The following SMOX variants were observed in gnomAD, a reference collection of about 807,000 sequenced individuals.
The protein encoded by SMOX is spermine oxidase, also known as flavin containing amine oxidase.
A neutral mutation model predicts 51.0 loss-of-function variants in SMOX; 22 were observed. That is an observed-to-expected ratio of 0.43 (90% CI 0.31 to 0.62). SMOX has a LOEUF of 0.62. Ranked by LOEUF, SMOX falls within the 20% of genes least tolerant of loss-of-function variation. The pLI is 0.10. For missense variants in SMOX, 566 were observed against 777.7 expected, an observed-to-expected ratio of 0.73 and a Z score of 3.24; for synonymous variants, 282 against 307.8, an observed-to-expected ratio of 0.92 and a Z score of 0.88.
At position 4,183,077 on chromosome 20, in the gene SMOX, T is replaced by G. The variant is rs924958677; in HGVS notation, c.1369+229T>G. ...GGGCGCTGTGTCTCTTCCCCCTTTC[T>G]AAAGGCTGATGGTAAAACACTCAGA... On this transcript the variant is annotated intron_variant, in intron 5 of 6. Transcript: ENST00000305958. This position sits in a 1 kb window ranked among gnomAD's most constrained non-coding sequence, Gnocchi z 4.3. 2.6e-5 allele frequency: 16 copies of G among 625,412 alleles called. No individual in the cohort carries two copies. In the African/African-American group the frequency reaches 2.9e-4, roughly 11 times the overall value. 38.7% of individuals were successfully genotyped at this position (625,412 alleles called of 1,614,324 possible). A position where few individuals can be genotyped will look rare whatever the true frequency, so the allele number is the denominator to read the frequency against.
rs1600811777 is a variant in SMOX, at chr20:4,170,568, G to T, written c.-26-4462G>T. ...TGCAACTAGAGCGTAAATTTCTGAG[G>T]GTGTCAAAATGAAATTGGGGAGGAT... On this transcript the variant is annotated intron_variant, in intron 1 of 6. Transcript: ENST00000305958. This position sits in a 1 kb window ranked among gnomAD's most constrained non-coding sequence, Gnocchi z 4.6. Among the ~76,000 whole-genome samples, 2 of 152,202 alleles carry T rather than the reference G, an allele frequency of 1.3e-5. No homozygotes were observed. Among genetic ancestry groups the T allele is most frequent in the East Asian group, 1.9e-4 (1 of 5,180 alleles).
Position 4,182,104 on chromosome 20 carries a change from A to G in SMOX, c.625A>G (p.Ser209Gly), listed in dbSNP as rs1260547374. 1 of 1,590,744 alleles carries G rather than the reference A, an allele frequency of 6.3e-7. No homozygotes were observed. The highest frequency in any genetic ancestry group is 8.6e-7 in the Non-Finnish European group (1 of 1,166,004). ...QQYLKVESCE[S>G]SSHSMDEVSL... ...CTTCCCGCAGGTGGAGAGCTGTGAG[A>G]GCAGCTCACACAGCATGGACGAGGT... Residue 209 changes from serine (S) to glycine (G), a missense_variant, in exon 5 of 7, where the codon AGC becomes GGC. This residue lies in a region of SMOX where 2 missense variants were observed against 17.4 expected (regional missense o/e 0.11). Coordinates refer to ENST00000305958, the MANE Select transcript of SMOX (RefSeq NM_175839.3). The surrounding 1 kb of genome is among the most constrained non-coding windows in gnomAD (Gnocchi z 8.4).
rs1466409709 is a variant in SMOX at position 4,181,062 on chromosome 20, C to T, written c.436-741C>T. Reference sequence around the variant, plus strand: ...ATATGAGACAGGCACGAGGGTCGGGCGGGCAGTCAGACCCCTTTTCAAGTG... The same window carrying T: ...ATATGAGACAGGCACGAGGGTCGGGTGGGCAGTCAGACCCCTTTTCAAGTG... On this transcript the variant is annotated intron_variant, in intron 3 of 6. Transcript: ENST00000305958. The surrounding 1 kb of genome is among the most constrained non-coding windows in gnomAD (Gnocchi z 5.6). 5.9e-5 allele frequency among the ~76,000 whole-genome samples: 9 copies of T among 152,178 alleles called. No homozygotes were observed. The highest frequency in any genetic ancestry group is 3.3e-4 in the Admixed American group (5 of 15,282).
chr20:4,171,852 T>G (rs1978412783), intron 1 of SMOX: 1 of 152,212 alleles, frequency 6.6e-6, no homozygotes, highest in Non-Finnish European at 1.5e-5. Flanking sequence ...CTTGAAAATG[T>G]TGACAGTCTT....
At chr20:4,163,063 G>T (rs908313969) in intron 1 of SMOX, among the ~76,000 whole-genome samples, 3 of 152,202 alleles carry the variant, frequency 2.0e-5, no homozygotes, top group Non-Finnish European at 4.4e-5. Context: ...GGTGGAGGGA[G>T]CTTGGGCACT....
intron 3 of SMOX, among the ~76,000 whole-genome samples, chr20:4,180,170 C>T (rs1254711228): frequency 6.6e-6 from 1 of 152,230 alleles, no homozygotes; most frequent in Non-Finnish European, 1.5e-5. Flanking sequence ...CTAAGGCTCA[C>T]CACTCAGCAT....
chr20:4,160,071 C>G (rs777860327), intron 1 of SMOX, among the ~76,000 whole-genome samples: 42 of 152,146 alleles, frequency 2.8e-4, no homozygotes, highest in Non-Finnish European at 4.6e-4. Context: ...TGTCCCTGGC[C>G]CTATTTATGG....
At position 4,177,743 on chromosome 20, in the gene SMOX, T is replaced by A. The variant is rs1978988856; in HGVS notation, c.435+166T>A. ...TGGGATAGAACTGATTTTTATATATTGATTTGTTAGCTTGCTAAATTATTT... is the reference window on the plus strand; with the variant it reads ...TGGGATAGAACTGATTTTTATATATAGATTTGTTAGCTTGCTAAATTATTT... On this transcript the variant is annotated intron_variant, in intron 3 of 6. Coordinates refer to ENST00000305958, the MANE Select transcript of SMOX (RefSeq NM_175839.3). The surrounding 1 kb of genome is among the most constrained non-coding windows in gnomAD (Gnocchi z 4.3). Among the ~76,000 whole-genome samples, 1 of 152,236 alleles carries A rather than the reference T, an allele frequency of 6.6e-6. No homozygotes were observed. The highest frequency in any genetic ancestry group is 2.1e-4 in the South Asian group (1 of 4,834).
chr20:4,183,617 C>T lies in SMOX; in HGVS notation c.1493C>T (p.Ala498Val). ...AGCGGGGCGGATGTGGAGAAGCTGG[C>T]CAAGCCCCTGCCGTACACAGAGAGC... ...GSSGADVEKL[A>V]KPLPYTESSK... Residue 498 changes from alanine (A) to valine (V), a missense_variant, in exon 6 of 7, where the codon GCC (alanine) becomes GTC (valine). Around this residue, in one of 3 missense-constraint regions of SMOX, gnomAD observed 347 missense variants for 481.8 expected, o/e 0.72. Coordinates refer to ENST00000305958, the MANE Select transcript of SMOX (RefSeq NM_175839.3). This position sits in a 1 kb window ranked among gnomAD's most constrained non-coding sequence, Gnocchi z 4.3. 1 of 1,601,636 alleles carries T rather than the reference C, an allele frequency of 6.2e-7. No individual in the cohort carries two copies. Among genetic ancestry groups the T allele is most frequent in the Non-Finnish European group, 8.5e-7 (1 of 1,173,496 alleles).
intron 1 of SMOX, among the ~76,000 whole-genome samples, chr20:4,157,201 C>A (rs1290668235): frequency 2.6e-5 from 4 of 152,188 alleles, no homozygotes; most frequent in Non-Finnish European, 5.9e-5. Flanking sequence ...CTCATTTGTA[C>A]CATGAGGGTA....
intron 1 of SMOX, among the ~76,000 whole-genome samples, chr20:4,155,019 G>T (rs1424306304): frequency 6.6e-6 from 1 of 152,020 alleles, no homozygotes; most frequent in Non-Finnish European, 1.5e-5. Flanking sequence ...ACTGTAAGGA[G>T]CTCCCAAGAC....
At chr20:4,154,825 G>A (rs935449836) in intron 1 of SMOX, among the ~76,000 whole-genome samples, 16 of 151,408 alleles carry the variant, frequency 1.1e-4, no homozygotes, top group African/African-American at 3.6e-4. Flanking sequence ...CCTGTGTTGC[G>A]GGATGTGTAG....
chr20:4,158,674 C>T (rs149616247), intron 1 of SMOX, among the ~76,000 whole-genome samples: 126 of 152,204 alleles, frequency 8.3e-4, no homozygotes, highest in African/African-American at 2.2e-3. Context: ...CATGCAGCCC[C>T]GGGGGCCTGA....
chr20:4,168,458 C>T (rs1249186472), intron 1 of SMOX, among the ~76,000 whole-genome samples: 9 of 152,150 alleles, frequency 5.9e-5, no homozygotes, highest in African/African-American at 1.9e-4. Context: ...GGAAATTCAT[C>T]CCCGGGTGAC....
rs373546121 is a variant in SMOX at position 4,168,620 on chromosome 20, G to T, written c.-26-6410G>T. On this transcript the variant is annotated intron_variant, in intron 1 of 6. Coordinates refer to ENST00000305958, the MANE Select transcript of SMOX (RefSeq NM_175839.3). ...CACCCAGGCTGGAGTGCAGTGGCGC[G>T]ATCTCGACTCACTGCACCCTCTGCC... is the stretch of plus-strand genomic sequence containing the variant. 2.1e-4 allele frequency among the ~76,000 whole-genome samples: 32 copies of T among 150,998 alleles called. No individual in the cohort carries two copies. The East Asian group carries it at 5.9e-3, about 28-fold the overall frequency.
chr20:4,158,153 G>T (rs375975899), intron 1 of SMOX, among the ~76,000 whole-genome samples: 3 of 152,032 alleles, frequency 2.0e-5, no homozygotes, highest in South Asian at 4.2e-4. Flanking sequence ...GCCCGCCTTG[G>T]CCTCCCAAAG....
At chr20:4,155,415 TG>T (rs11480717) in intron 1 of SMOX, among the ~76,000 whole-genome samples, 2 of 150,714 alleles carry the variant, frequency 1.3e-5, no homozygotes, top group East Asian at 2.0e-4. Context: ...TACGTGGGAG[TG>T]GGGGGGGCCT....
chr20:4,176,282 G>A (rs1315704691), intron 2 of SMOX: 3 of 152,108 alleles, frequency 2.0e-5, no homozygotes, highest in African/African-American at 7.2e-5. Context: ...TGGGCCTCTT[G>A]TAGAAACTTT....
In SMOX at chr20:4,183,731, C is replaced by CT; in HGVS notation, c.1530+78dup. The CT allele has an allele frequency of 6.8e-7, 1 of 1,479,264 alleles. No individual in the cohort carries two copies. Among genetic ancestry groups the CT allele is most frequent in the East Asian group, 2.4e-5 (1 of 42,540 alleles). 91.6% of individuals were successfully genotyped at this position (1,479,264 alleles called of 1,614,324 possible). On this transcript the variant is annotated intron_variant, in intron 6 of 6. Transcript: ENST00000305958. The surrounding 1 kb of genome is among the most constrained non-coding windows in gnomAD (Gnocchi z 4.3). ...TGTGTCCGGTCCAGGGTGAGGAGGG[C>CT]TAGGGTAGTGTTCACTAAGGGGTGC...
Sources: allele counts gnomAD v4.1 joint callset (sites outside exome capture counted in the v4.1 genomes callset), GRCh38; gene constraint gnomAD v4.1.1; regional missense constraint gnomAD v4.1.1; non-coding constraint Gnocchi (gnomAD v3.1); transcripts MANE v1.5; gene names NCBI Gene and HGNC (gene_info 2026-07-23, HGNC 2026-07-21).